The following WDR11 variants were observed in gnomAD, a reference collection of about 807,000 sequenced individuals.
The protein encoded by WDR11 is WD repeat-containing protein 11.
In WDR11, 83 loss-of-function variants were observed where a neutral mutation model predicts 151.2. That is an observed-to-expected ratio of 0.55 (90% CI 0.46 to 0.66). WDR11 has a LOEUF of 0.66. Ranked by LOEUF, WDR11 falls within the 30% of genes least tolerant of loss-of-function variation. The probability of loss-of-function intolerance (pLI) is 0.00; values close to 1 mark genes in which losing one functional copy is unlikely to be tolerated. For missense variants in WDR11, 1,301 were observed against 1,480.9 expected, an observed-to-expected ratio of 0.88 and a Z score of 1.99; for synonymous variants, 484 against 533.1, an observed-to-expected ratio of 0.91 and a Z score of 1.27.
rs960210310 is a variant in WDR11 at position 120,905,220 on chromosome 10, G to A, written c.3194-99G>A. The A allele has an allele frequency of 1.1e-5, 12 of 1,137,590 alleles. No homozygotes were observed. The African/African-American group carries it at 1.8e-4, about 17-fold the overall frequency. 70.5% of individuals were successfully genotyped at this position (1,137,590 alleles called of 1,614,324 possible). A position where few individuals can be genotyped will look rare whatever the true frequency, so the allele number is the denominator to read the frequency against. ...GAATGTCTTCAGTAGGTATAAAATG[G>A]GCACGACTAGATAAGGTCAAATGGG... On this transcript the variant is annotated intron_variant, in intron 25 of 28. Coordinates refer to ENST00000263461, the MANE Select transcript of WDR11 (RefSeq NM_018117.12).
chr10:120,872,147 A>G (rs1487705305), intron 10 of WDR11, among the ~76,000 whole-genome samples: 2 of 152,184 alleles, frequency 1.3e-5, no homozygotes, highest in African/African-American at 2.4e-5. Context: ...TGTGGCCAAC[A>G]TGGCTGACTT....
At chr10:120,871,050 A>T (rs921274130) in intron 9 of WDR11, 120 bp from the exon 10 acceptor site, 2 of 1,000,480 alleles carry the variant, frequency 2.0e-6, no homozygotes, top group African/African-American at 3.2e-5. Context: ...CCACTAAAGT[A>T]CTACATTAAC....
chr10:120,892,574 T>C (rs948962027), intron 19 of WDR11, among the ~76,000 whole-genome samples: 2 of 152,206 alleles, frequency 1.3e-5, no homozygotes, highest in African/African-American at 2.4e-5. Flanking sequence ...TCTGAGGAAT[T>C]AGAAGTATAT....
chr10:120,873,472 AT>A (rs1390390465), intron 10 of WDR11, among the ~76,000 whole-genome samples: 1 of 152,212 alleles, frequency 6.6e-6, no homozygotes, highest in Non-Finnish European at 1.5e-5. Flanking sequence ...TAGATTGCTT[AT>A]TTGAGGACCA....
At chr10:120,874,176 G>GTTTTTTTTTTTTTTTTTTTTTTTTT (rs66873217) in intron 11 of WDR11, among the ~76,000 whole-genome samples, 6 of 83,494 alleles carry the variant, frequency 7.2e-5, no homozygotes, top group Admixed American at 1.5e-4. Context: ...GGTTTTTGCA[G>GTTTTTTTTTTTTTTTTTTTTTTTTT]TTTTTTTTTT....
intron 20 of WDR11, among the ~76,000 whole-genome samples, 200 bp downstream of exon 20, chr10:120,900,337 G>A (rs1847768281): frequency 6.6e-6 from 1 of 152,130 alleles, no homozygotes; most frequent in African/African-American, 2.4e-5. Context: ...GAGGAGCTGT[G>A]AGGGCGTGTA....
intron 11 of WDR11, among the ~76,000 whole-genome samples, chr10:120,874,759 A>T (rs757624088): frequency 3.8e-4 from 58 of 150,880 alleles, no homozygotes; most frequent in Non-Finnish European, 6.2e-4. Flanking sequence ...ATGACTGCAT[A>T]GTATTCCATG....
intron 11 of WDR11, among the ~76,000 whole-genome samples, chr10:120,874,961 C>G (rs1052996241): frequency 6.6e-6 from 1 of 151,996 alleles, no homozygotes; most frequent in Admixed American, 6.6e-5. Context: ...GCTCTCCCTC[C>G]CCTTGCCCCT....
At position 120,858,681 on chromosome 10, in the gene WDR11, C is replaced by T. The variant is rs368276929; in HGVS notation, c.237C>T (p.Gly79=). Residue 79 remains glycine (G), a synonymous_variant, in exon 3 of 29, where the codon GGC becomes GGT. Coordinates refer to ENST00000263461, the MANE Select transcript of WDR11 (RefSeq NM_018117.12). ...WARENYHHNI[G]SPYCLRLASA... is the part of the protein sequence containing the mutation. ...GGGAAAACTATCACCATAACATTGGCTCACCATATTGCTTACGGTTAGCTT... is the reference window on the plus strand; with the variant it reads ...GGGAAAACTATCACCATAACATTGGTTCACCATATTGCTTACGGTTAGCTT... 3.5e-5 allele frequency: 57 copies of T among 1,614,114 alleles called. No individual in the cohort carries two copies. The highest frequency in any genetic ancestry group is 4.7e-5 in the Non-Finnish European group (55 of 1,180,050).
intron 12 of WDR11, 72 bp from the exon 13 acceptor site, chr10:120,880,754 T>C (rs1322383555): frequency 1.1e-5 from 14 of 1,296,286 alleles, no homozygotes; most frequent in Admixed American, 2.0e-5. Flanking sequence ...TCAAATTACA[T>C]TGGCGTGGCT....
At chr10:120,851,886 T>C in intron 1 of WDR11, 1 of 348,336 alleles carries the variant, frequency 2.9e-6, no homozygotes, top group South Asian at 2.6e-5. Context: ...CGTTGTCTTG[T>C]ATTCCTGTTG....
intron 22 of WDR11, 75 bp from the exon 23 acceptor site, chr10:120,902,980 C>A: frequency 6.8e-7 from 1 of 1,467,414 alleles, no homozygotes; most frequent in South Asian, 1.2e-5. Flanking sequence ...CCCTTCCAGT[C>A]CCTCAGTCTA....
At chr10:120,894,235 G>A (rs1847525808) in intron 19 of WDR11, among the ~76,000 whole-genome samples, 1 of 152,038 alleles carries the variant, frequency 6.6e-6, no homozygotes, top group African/African-American at 2.4e-5. Context: ...TCTACATATG[G>A]CTAGCCAGTT....
chr10:120,863,678 T>G (rs1846215140), intron 5 of WDR11, among the ~76,000 whole-genome samples: 1 of 152,192 alleles, frequency 6.6e-6, no homozygotes, highest in South Asian at 2.1e-4. Context: ...CAGGCTTTTT[T>G]GTTTGTTTTG....
Position 120,901,076 on chromosome 10 carries a change from G to A in WDR11, c.2665G>A (p.Glu889Lys). The A allele has an allele frequency of 6.2e-7, 1 of 1,612,940 alleles. No homozygotes were observed. Residue 889 changes from glutamate (E) to lysine (K), a missense_variant, in exon 21 of 29, where the codon GAA becomes AAA. Transcript: ENST00000263461. ...TGAAGAAATAAAGAATCTCCTCCAA[G>A]AACAGTTGAATTCATTGTCTAAGTA... ...ENEEIKNLLQEQLNSLSNDIK... is the reference protein window; with the variant it reads ...ENEEIKNLLQKQLNSLSNDIK...
intron 4 of WDR11, 106 bp downstream of exon 4, chr10:120,860,388 A>G: frequency 7.6e-7 from 1 of 1,320,844 alleles, no homozygotes; most frequent in Non-Finnish European, 1.1e-6. Flanking sequence ...TAATGTTAAA[A>G]TGACTGAGCG....
At position 120,851,420 on chromosome 10, in the gene WDR11, G is replaced by T; in HGVS notation, c.-1G>T. ...GCCCAGGTCCTGGGCTGGCCGCCGG[G>T]ATGTTGCCCTACACAGTGAACTTCA... On this transcript the variant is annotated 5_prime_UTR_variant, in exon 1 of 29. Transcript: ENST00000263461. The T allele has an allele frequency of 2.5e-6, 4 of 1,610,048 alleles. No individual in the cohort carries two copies. The highest frequency in any genetic ancestry group is 2.5e-6 in the Non-Finnish European group (3 of 1,179,022).
chr10:120,904,922 AAT>A, intron 25 of WDR11, 111 bp downstream of exon 25: 1 of 1,274,038 alleles, frequency 7.8e-7, no homozygotes, highest in Non-Finnish European at 1.1e-6. Context: ...GCTGAAGAAA[AAT>A]AGAAAAATTA....
intron 2 of WDR11, among the ~76,000 whole-genome samples, chr10:120,857,416 TATAA>T (rs1312528136): frequency 1.3e-5 from 2 of 152,218 alleles, no homozygotes; most frequent in South Asian, 4.1e-4. Context: ...ATACAGAATC[TATAA>T]ATAACTAGAA....
Sources: gnomAD v4.1 joint callset for allele counts (sites outside exome capture counted in the v4.1 genomes callset) on GRCh38, gnomAD v4.1.1 for gene constraint, MANE v1.5 for transcripts, NCBI Gene and HGNC (gene_info 2026-07-23, HGNC 2026-07-21) for gene names.